LRMDA: variants seen among roughly 807,000 people sequenced by gnomAD.
LRMDA encodes leucine-rich melanocyte differentiation-associated protein.
A neutral mutation model predicts 29.8 loss-of-function variants in LRMDA; 18 were observed. The ratio of observed to expected loss-of-function variants is 0.60; its 90% CI spans 0.42 to 0.90. LRMDA has a LOEUF of 0.90. Among genes scored for constraint, LRMDA ranks in the 40% least tolerant of loss-of-function variants. LRMDA has a pLI of 0.00. For missense variants in LRMDA, 273 were observed against 273.9 expected (o/e 1.00, Z 0.02); for synonymous variants, 125 against 109.4 (o/e 1.14, Z -0.89).
At chr10:75,998,547 G>A (rs1024741098) in intron 2 of LRMDA, among the ~76,000 whole-genome samples, 3 of 152,190 alleles carry the variant, frequency 2.0e-5, no homozygotes, top group African/African-American at 7.2e-5. Context: ...GCCTTATTAT[G>A]CACCATGTAC....
At position 75,560,765 on chromosome 10, in the gene LRMDA, G is replaced by C. The variant is rs1214476131; in HGVS notation, c.131+122271G>C. Among the ~76,000 whole-genome samples the C allele has an allele frequency of 6.6e-5, 10 of 151,916 alleles. No individual in the cohort carries two copies. In the East Asian group the frequency reaches 1.7e-3, roughly 27 times the overall value. Reference sequence around the variant, plus strand: ...TGAAGCATTGTTGAATTTTGTCAAAGGCCTTTTCTGCATCTATTGAGATAA... The same window carrying C: ...TGAAGCATTGTTGAATTTTGTCAAACGCCTTTTCTGCATCTATTGAGATAA... On this transcript the variant is annotated intron_variant, in intron 2 of 6. Coordinates refer to ENST00000611255, the MANE Select transcript of LRMDA (RefSeq NM_001305581.2).
chr10:76,362,858 T>C (rs997131934), intron 6 of LRMDA, among the ~76,000 whole-genome samples: 1 of 152,012 alleles, frequency 6.6e-6, no homozygotes, highest in African/African-American at 2.4e-5. Context: ...CTTTTCTTGC[T>C]ACTGTTGTTG....
chr10:76,426,014 G>A (rs1352357034), intron 6 of LRMDA, among the ~76,000 whole-genome samples: 1 of 152,110 alleles, frequency 6.6e-6, no homozygotes, highest in East Asian at 1.9e-4. Context: ...TTGGACATTT[G>A]GGTTGGTTCC....
chr10:76,084,194 C>CTATTTATTTATT (rs113420141), intron 5 of LRMDA, among the ~76,000 whole-genome samples: 78 of 150,704 alleles, frequency 5.2e-4, no homozygotes, highest in African/African-American at 1.7e-3. Flanking sequence ...TTTCTTTTCT[C>CTATTTATTTATT]TATTTATTTA....
intron 2 of LRMDA, among the ~76,000 whole-genome samples, chr10:75,533,229 GT>G (rs1386527147): frequency 3.3e-5 from 5 of 152,222 alleles, no homozygotes; most frequent in African/African-American, 1.2e-4. Context: ...ATAAAAGTTA[GT>G]TTCAGTAAAG....
chr10:75,861,764 A>G (rs1005089201), intron 2 of LRMDA, among the ~76,000 whole-genome samples: 3 of 152,174 alleles, frequency 2.0e-5, no homozygotes, highest in Non-Finnish European at 4.4e-5. Context: ...ACTTCCTAGT[A>G]GTTCCCTTTT....
intron 2 of LRMDA, among the ~76,000 whole-genome samples, chr10:75,816,814 C>T (rs1279746922): frequency 6.6e-6 from 1 of 152,162 alleles, no homozygotes; most frequent in East Asian, 1.9e-4. Context: ...AGGCACAGCT[C>T]CCTCTTCAAC....
intron 2 of LRMDA, among the ~76,000 whole-genome samples, chr10:75,726,642 A>G (rs951043785): frequency 4.6e-5 from 7 of 152,206 alleles, no homozygotes; most frequent in African/African-American, 1.7e-4. Context: ...GGTAAAACTC[A>G]TGATACAGAG....
Position 76,109,963 on chromosome 10 carries a change from G to A in LRMDA, c.516+51180G>A, listed in dbSNP as rs932607369. 2.5e-4 allele frequency among the ~76,000 whole-genome samples: 38 copies of A among 152,002 alleles called. 1 individual carries two copies. The highest frequency in any genetic ancestry group is 2.1e-3 in the Admixed American group (32 of 15,254). ...GGACTCAGCCCAAGGACCTCTCTTCGTCTCGGGCTGTACTTTCTTTCTTGG... is the reference window on the plus strand; with the variant it reads ...GGACTCAGCCCAAGGACCTCTCTTCATCTCGGGCTGTACTTTCTTTCTTGG... On this transcript the variant is annotated intron_variant, in intron 5 of 6. Coordinates refer to ENST00000611255, the MANE Select transcript of LRMDA (RefSeq NM_001305581.2).
At chr10:76,001,967 C>T (rs1275380791) in intron 2 of LRMDA, among the ~76,000 whole-genome samples, 1 of 152,088 alleles carries the variant, frequency 6.6e-6, no homozygotes, top group East Asian at 1.9e-4. Context: ...AGAAGAACTG[C>T]CGTTTCTACT....
intron 5 of LRMDA, among the ~76,000 whole-genome samples, chr10:76,137,719 A>G (rs937362019): frequency 2.6e-5 from 4 of 151,790 alleles, no homozygotes; most frequent in Non-Finnish European, 5.9e-5. Context: ...ACCAAAAACA[A>G]CGAAATGCAT....
chr10:75,817,703 A>G lies in LRMDA; in HGVS notation c.132-218305A>G, dbSNP rs189740677. Reference sequence around the variant, plus strand: ...ATCTACTTTGTGTCTTTAAGAAGCTAAAGGAAAATAAGCGTTTGGGAGGGT... The same window carrying G: ...ATCTACTTTGTGTCTTTAAGAAGCTGAAGGAAAATAAGCGTTTGGGAGGGT... On this transcript the variant is annotated intron_variant, in intron 2 of 6. Coordinates refer to ENST00000611255, the MANE Select transcript of LRMDA (RefSeq NM_001305581.2). Among the ~76,000 whole-genome samples, 9 of 152,346 alleles carry G rather than the reference A, an allele frequency of 5.9e-5. No homozygotes were observed. In the East Asian group the frequency reaches 1.7e-3, roughly 29 times the overall value.
intron 5 of LRMDA, among the ~76,000 whole-genome samples, chr10:76,159,367 A>G (rs1471699691): frequency 6.6e-6 from 1 of 152,224 alleles, no homozygotes; most frequent in Non-Finnish European, 1.5e-5. Flanking sequence ...GCCAAAATCT[A>G]GAACACTGAC....
intron 5 of LRMDA, among the ~76,000 whole-genome samples, chr10:76,308,519 G>A (rs1488879358): frequency 6.6e-6 from 1 of 152,188 alleles, no homozygotes; most frequent in East Asian, 1.9e-4. Flanking sequence ...CCCAGTGACT[G>A]GAGGAGATGG....
chr10:76,222,053 A>C (rs1192098675), intron 5 of LRMDA, among the ~76,000 whole-genome samples: 6 of 152,078 alleles, frequency 3.9e-5, no homozygotes, highest in Non-Finnish European at 8.8e-5. Flanking sequence ...TGCTGGGAAA[A>C]CTGGCTAGCC....
At chr10:76,287,267 T>A (rs944376766) in intron 5 of LRMDA, among the ~76,000 whole-genome samples, 2 of 152,140 alleles carry the variant, frequency 1.3e-5, no homozygotes, top group African/African-American at 4.8e-5. Context: ...TCTTTATTCA[T>A]GTAATCTTAG....
chr10:76,080,939 C>G (rs776126025), intron 5 of LRMDA, among the ~76,000 whole-genome samples: 15 of 152,320 alleles, frequency 9.8e-5, no homozygotes, highest in Non-Finnish European at 1.6e-4. Context: ...TGGGCTGTGT[C>G]TTCACACCTT....
At chr10:76,523,446 C>T (rs938802498) in intron 6 of LRMDA, among the ~76,000 whole-genome samples, 3 of 152,166 alleles carry the variant, frequency 2.0e-5, no homozygotes, top group African/African-American at 7.2e-5. Context: ...CTTCCCAACT[C>T]AAGGCGGGGT....
chr10:75,567,773 A>G (rs1470693021), intron 2 of LRMDA, among the ~76,000 whole-genome samples: 1 of 152,208 alleles, frequency 6.6e-6, no homozygotes, highest in Non-Finnish European at 1.5e-5. Flanking sequence ...TAGAATCATG[A>G]TCCCCCAGTA....
Sources: gnomAD v4.1 joint callset for allele counts (sites outside exome capture counted in the v4.1 genomes callset) on GRCh38, gnomAD v4.1.1 for gene constraint, MANE v1.5 for transcripts, NCBI Gene and HGNC (gene_info 2026-07-23, HGNC 2026-07-21) for gene names.